ZNF121: variants seen among roughly 807,000 people sequenced by gnomAD.
The protein encoded by ZNF121 is zinc finger protein 121.
Under a neutral mutation model 2.4 loss-of-function variants are expected in ZNF121, and 1 was observed. The ratio of observed to expected loss-of-function variants is 0.41; its 90% CI spans 0.15 to 1.94. The LOEUF (loss-of-function observed/expected upper bound fraction) is 1.94, where lower values mean the gene tolerates loss of function less well. Among genes scored for constraint, ZNF121 ranks in the 30% most tolerant of loss-of-function variants. The pLI is 0.30. For synonymous variants in ZNF121, 173 were observed against 158.6 expected (o/e 1.09, Z -0.68); for missense variants, 369 against 466.3 (o/e 0.79, Z 1.92).
rs149715165 is a variant in ZNF121, at chr19:9,579,661, G to A, written c.-160+4800C>T. Among the ~76,000 whole-genome samples the A allele has an allele frequency of 5.9e-3, 897 of 152,116 alleles. 12 individuals carry two copies. Among genetic ancestry groups the A allele is most frequent in the African/African-American group, 0.021 (854 of 41,506 alleles). Reference sequence around the variant, plus strand: ...CCAGCCTGGGCAACAGTGAGACTCCGTCTCTAGAAAAAAAAGAGAGGTTGA... The same window carrying A: ...CCAGCCTGGGCAACAGTGAGACTCCATCTCTAGAAAAAAAAGAGAGGTTGA... On this transcript the variant is annotated intron_variant, in intron 1 of 3. Transcript: ENST00000320451.
intron 1 of ZNF121, among the ~76,000 whole-genome samples, chr19:9,569,604 T>A (rs999720428): frequency 1.3e-5 from 2 of 151,440 alleles, no homozygotes; most frequent in African/African-American, 4.8e-5. Context: ...CTGTCTCAAC[T>A]CACTGCAACC....
At chr19:9,579,757 T>G (rs1188230447) in intron 1 of ZNF121, among the ~76,000 whole-genome samples, 1 of 152,220 alleles carries the variant, frequency 6.6e-6, no homozygotes, top group Non-Finnish European at 1.5e-5. Context: ...TGACTACATT[T>G]AACACTCATC....
At chr19:9,584,038 TCAGAGC>T (rs1176669907) in intron 1 of ZNF121, 1 of 152,106 alleles carries the variant, frequency 6.6e-6, no homozygotes, top group East Asian at 1.9e-4. Context: ...GAAATGGAAG[TCAGAGC>T]CCTCTTGAAA....
chr19:9,573,362 T>G (rs967405393), intron 1 of ZNF121, among the ~76,000 whole-genome samples: 6 of 152,130 alleles, frequency 3.9e-5, no homozygotes, highest in Non-Finnish European at 8.8e-5. Flanking sequence ...TGAGAAATAC[T>G]CAACTCAAAA....
At position 9,565,942 on chromosome 19, in the gene ZNF121, A is replaced by G; in HGVS notation, c.1171T>C (p.Ter391ArgextTer13). Residue 391 changes from the stop codon to arginine (R), a stop_lost, in exon 4 of 4, where the codon TGA becomes CGA. Transcript: ENST00000320451. The stretch of plus-strand genomic sequence containing the variant: ...TTCCTTACATTCAGAGTTTTTCTTC[A>G]GTGTGTTTTTAAATGTTTAGTAAGT... ...YLLTKHLKTH[*>R] The G allele has an allele frequency of 6.5e-7, 1 of 1,539,178 alleles. No homozygotes were observed.
chr19:9,565,118 C>T lies in ZNF121; in HGVS notation c.*822G>A, dbSNP rs1396352098. The T allele has an allele frequency of 6.6e-6, 1 of 152,010 alleles. No homozygotes were observed. The highest frequency in any genetic ancestry group is 1.5e-5 in the Non-Finnish European group (1 of 68,022). The allele number at this position is 152,010 out of a possible 1,614,324, so 9.4% of individuals were successfully genotyped here. A position where few individuals can be genotyped will look rare whatever the true frequency, so the allele number is the denominator to read the frequency against. On this transcript the variant is annotated 3_prime_UTR_variant, in exon 4 of 4. Coordinates refer to ENST00000320451, the MANE Select transcript of ZNF121 (RefSeq NM_001008727.5). ...ATGATTCATGTTATTGTGATATTCA[C>T]TTTATAGTGGTAGTCTGGAACAAAA...
At chr19:9,573,643 G>A (rs1286498511) in intron 1 of ZNF121, among the ~76,000 whole-genome samples, 1 of 152,144 alleles carries the variant, frequency 6.6e-6, no homozygotes, top group Admixed American at 6.6e-5. Context: ...TCCAGGTACA[G>A]GAAGGTAAGA....
rs912338666 is a variant in ZNF121, at chr19:9,563,894, C to T, written c.*2046G>A. On this transcript the variant is annotated 3_prime_UTR_variant, in exon 4 of 4. Transcript: ENST00000320451. ...AGCATGGTTTACTGAATATTTTAAG[C>T]CCACTGTAAAACATACTGTTCAGAG... The T allele has an allele frequency of 1.3e-5, 2 of 152,152 alleles. No homozygotes were observed. The highest frequency in any genetic ancestry group is 2.9e-5 in the Non-Finnish European group (2 of 68,022). 9.4% of individuals were successfully genotyped at this position (152,152 alleles called of 1,614,324 possible).
chr19:9,577,323 G>T (rs146171983), intron 1 of ZNF121, among the ~76,000 whole-genome samples: 2 of 151,966 alleles, frequency 1.3e-5, no homozygotes, highest in African/African-American at 4.8e-5. Context: ...AGGCATGTGC[G>T]CCTGTAGTCC....
intron 1 of ZNF121, among the ~76,000 whole-genome samples, chr19:9,573,191 G>C (rs2074186236): frequency 6.6e-6 from 1 of 152,176 alleles, no homozygotes; most frequent in Non-Finnish European, 1.5e-5. Flanking sequence ...ATCAGTGACT[G>C]AACCTAATGA....
At chr19:9,581,059 G>A (rs369744216) in intron 1 of ZNF121, among the ~76,000 whole-genome samples, 4 of 152,064 alleles carry the variant, frequency 2.6e-5, no homozygotes, top group Non-Finnish European at 4.4e-5. Flanking sequence ...GTAGGAAATC[G>A]CATGAAATAA....
intron 1 of ZNF121, among the ~76,000 whole-genome samples, chr19:9,573,112 A>G (rs1477714232): frequency 6.6e-6 from 1 of 152,238 alleles, no homozygotes. Context: ...ATGCACAGAC[A>G]CAGATGTACA....
intron 1 of ZNF121, among the ~76,000 whole-genome samples, chr19:9,583,452 A>G (rs1234429650): frequency 7.0e-6 from 1 of 143,196 alleles, no homozygotes; most frequent in Non-Finnish European, 1.5e-5. Flanking sequence ...CAGCCTCCCA[A>G]GTAGCTAGGA....
chr19:9,575,221 A>G (rs2074202036), intron 1 of ZNF121, among the ~76,000 whole-genome samples: 1 of 152,132 alleles, frequency 6.6e-6, no homozygotes. Context: ...CGAGTTAGAG[A>G]CCAGCGTGGT....
chr19:9,568,116 T>A lies in ZNF121; in HGVS notation c.-19A>T. The A allele has an allele frequency of 6.5e-7, 1 of 1,543,328 alleles. No individual in the cohort carries two copies. The highest frequency in any genetic ancestry group is 1.7e-4 in the Middle Eastern group (1 of 5,742). ...TTACCATTTGTATGCCGTTTGATGT[T>A]TTGTTAAGCCAAAAAAAAATGTTGT... On this transcript the variant is annotated 5_prime_UTR_variant, in exon 3 of 4. Coordinates refer to ENST00000320451, the MANE Select transcript of ZNF121 (RefSeq NM_001008727.5).
intron 3 of ZNF121, chr19:9,567,705 T>C: frequency 3.3e-6 from 1 of 307,562 alleles, no homozygotes; most frequent in Non-Finnish European, 6.6e-6. Flanking sequence ...GACAGTCCCA[T>C]CTAGGTGATG....
Position 9,566,024 on chromosome 19 carries a change from A to G in ZNF121, c.1089T>C (p.Thr363=), listed in dbSNP as rs922716500. ...SHLQKHVRIH[T]GEKPYICNEC... is the part of the protein sequence containing the mutation. ...CGTTACATATATAGGGTTTCTCTCC[A>G]GTGTGAATTCTAACATGTTTCTGTA... The change falls in exon 4 of 4, where the codon ACT becomes ACC. Residue 363 remains threonine, a synonymous_variant. Coordinates refer to ENST00000320451, the MANE Select transcript of ZNF121 (RefSeq NM_001008727.5). The G allele has an allele frequency of 6.2e-7, 1 of 1,613,930 alleles. No individual in the cohort carries two copies. Among genetic ancestry groups the G allele is most frequent in the Admixed American group, 1.7e-5 (1 of 59,994 alleles).
chr19:9,578,630 G>A (rs1242610197), intron 1 of ZNF121, among the ~76,000 whole-genome samples: 1 of 152,140 alleles, frequency 6.6e-6, no homozygotes, highest in Non-Finnish European at 1.5e-5. Flanking sequence ...GTGCTGCTGG[G>A]AAAACTGAAT....
intron 1 of ZNF121, among the ~76,000 whole-genome samples, chr19:9,582,698 G>C (rs1033837056): frequency 6.8e-6 from 1 of 148,014 alleles, no homozygotes; most frequent in Non-Finnish European, 1.5e-5. Flanking sequence ...GCAGTGAGCC[G>C]AGATCGCACC....
Sources: gnomAD v4.1 joint callset for allele counts (sites outside exome capture counted in the v4.1 genomes callset) on GRCh38, gnomAD v4.1.1 for gene constraint, MANE v1.5 for transcripts, NCBI Gene and HGNC (gene_info 2026-07-23, HGNC 2026-07-21) for gene names.